DZIP3: variants seen among roughly 807,000 people sequenced by gnomAD.
DZIP3 encodes E3 ubiquitin-protein ligase DZIP3.
In DZIP3, 118 loss-of-function variants were observed where a neutral mutation model predicts 162.0. The observed-to-expected ratio is 0.73, with a 90% CI of 0.63 to 0.85. The LOEUF (loss-of-function observed/expected upper bound fraction) is 0.85, where lower values mean the gene tolerates loss of function less well. Ranked by LOEUF, DZIP3 falls within the 40% of genes least tolerant of loss-of-function variation. The probability of loss-of-function intolerance (pLI) is 0.00; values close to 1 mark genes in which losing one functional copy is unlikely to be tolerated. For synonymous variants in DZIP3, 438 were observed against 458.6 expected (o/e 0.96, Z 0.57); for missense variants, 1,331 against 1,407.0 (o/e 0.95, Z 0.86).
chr3:108,684,859 G>A (rs1348375637), intron 27 of DZIP3, among the ~76,000 whole-genome samples: 3 of 152,086 alleles, frequency 2.0e-5, no homozygotes, highest in African/African-American at 4.8e-5. Flanking sequence ...CAAATAGCCA[G>A]ATAAACTTTA....
intron 19 of DZIP3, among the ~76,000 whole-genome samples, chr3:108,660,750 G>T (rs1943383783): frequency 6.6e-6 from 1 of 151,394 alleles, no homozygotes; most frequent in African/African-American, 2.4e-5. Flanking sequence ...CTGACAAAGG[G>T]CTAATATCCA....
intron 13 of DZIP3, 32 bp from the exon 14 acceptor site, chr3:108,644,132 G>C: frequency 6.4e-7 from 1 of 1,550,490 alleles, no homozygotes; most frequent in South Asian, 1.3e-5. Context: ...CATTAATGTG[G>C]AATGTCTTGA....
intron 25 of DZIP3, among the ~76,000 whole-genome samples, chr3:108,676,865 C>T (rs1171686199): frequency 6.6e-6 from 1 of 152,084 alleles, no homozygotes; most frequent in Non-Finnish European, 1.5e-5. Context: ...CCAGTTCCTA[C>T]GCGTTCTTTA....
intron 4 of DZIP3, among the ~76,000 whole-genome samples, chr3:108,615,264 T>A (rs1940943340): frequency 6.6e-6 from 1 of 152,256 alleles, no homozygotes; most frequent in South Asian, 2.1e-4. Context: ...TCCCGTTGTT[T>A]TAGTTATTCT....
At chr3:108,603,469 T>C (rs1362373936) in intron 1 of DZIP3, among the ~76,000 whole-genome samples, 1 of 152,206 alleles carries the variant, frequency 6.6e-6, no homozygotes. Context: ...GAACAGAGAA[T>C]ACAAATTAAA....
chr3:108,637,644 T>G lies in DZIP3; in HGVS notation c.1064+96T>G, dbSNP rs914337926. The stretch of plus-strand genomic sequence containing the variant: ...CTGTGTTTCTGTCACCTAATAGAGC[T>G]GCATTAAATTTTAAGGTATGTGAAA... On this transcript the variant is annotated intron_variant, in intron 12 of 32. Coordinates refer to ENST00000361582, the MANE Select transcript of DZIP3 (RefSeq NM_014648.4). 54 of 1,102,698 alleles carry G rather than the reference T, an allele frequency of 4.9e-5. No homozygotes were observed. In the African/African-American group the frequency reaches 7.7e-4, roughly 16 times the overall value. The allele number at this position is 1,102,698 out of a possible 1,614,324, so 68.3% of individuals were successfully genotyped here.
chr3:108,693,536 GCTATAAGTGAAGAC>G lies in DZIP3; in HGVS notation c.*187_*200del, dbSNP rs1223413154. The stretch of plus-strand genomic sequence containing the variant: ...ATTGGAGTATTTACACCATAGAAAT[GCTATAAGTGAAGAC>G]CTACCTTTCCCTTAAGAGCTAGTTG... On this transcript the variant is annotated 3_prime_UTR_variant, in exon 33 of 33. Coordinates refer to ENST00000361582, the MANE Select transcript of DZIP3 (RefSeq NM_014648.4). The G allele has an allele frequency of 6.6e-6, 1 of 152,078 alleles. No individual in the cohort carries two copies. The highest frequency in any genetic ancestry group is 2.4e-5 in the African/African-American group (1 of 41,430). The allele number at this position is 152,078 out of a possible 1,614,324, so 9.4% of individuals were successfully genotyped here. A position where few individuals can be genotyped will look rare whatever the true frequency, so the allele number is the denominator to read the frequency against.
chr3:108,629,158 T>C lies in DZIP3; in HGVS notation c.678T>C (p.Asp226=). Residue 226 remains aspartate, a synonymous_variant, in exon 8 of 33, where the codon GAT becomes GAC. Transcript: ENST00000361582. ...ACATAGATCCTACAGAAGATGAAGA[T>C]TTACCTACAACTTTTAAAGTAAGAA... ...WFDIDPTEDE[D]LPTTFKDLLN... 1 of 1,582,338 alleles carries C rather than the reference T, an allele frequency of 6.3e-7. No homozygotes were observed. Among genetic ancestry groups the C allele is most frequent in the Non-Finnish European group, 8.6e-7 (1 of 1,168,112 alleles).
chr3:108,679,970 T>A (rs780756668), intron 26 of DZIP3, among the ~76,000 whole-genome samples: 1 of 152,058 alleles, frequency 6.6e-6, no homozygotes, highest in Non-Finnish European at 1.5e-5. Flanking sequence ...ATTAAAAAGA[T>A]CATGCAATGG....
intron 8 of DZIP3, among the ~76,000 whole-genome samples, chr3:108,629,889 T>G (rs1434181661): frequency 6.6e-6 from 1 of 151,904 alleles, no homozygotes; most frequent in Non-Finnish European, 1.5e-5. Context: ...AATAATGTAT[T>G]ATATAGCTTT....
chr3:108,690,894 C>G lies in DZIP3; in HGVS notation c.3624C>G (p.Ile1208Met). 1 of 1,614,068 alleles carries G rather than the reference C, an allele frequency of 6.2e-7. No individual in the cohort carries two copies. The highest frequency in any genetic ancestry group is 8.5e-7 in the Non-Finnish European group (1 of 1,179,940). Residue 1208 changes from isoleucine to methionine, a missense_variant, in exon 32 of 33, where the codon ATC (isoleucine) becomes ATG (methionine). Coordinates refer to ENST00000361582, the MANE Select transcript of DZIP3 (RefSeq NM_014648.4). ...PGHPSRQLPK[I>M] is the part of the protein sequence containing the mutation. ...ACCCCAGCCGGCAGTTGCCCAAGAT[C>G]TGATACAAGGTCGGGGTGTCTATGC...
chr3:108,668,151 G>T (rs748818608), intron 21 of DZIP3, among the ~76,000 whole-genome samples: 4 of 152,034 alleles, frequency 2.6e-5, no homozygotes, highest in Non-Finnish European at 5.9e-5. Context: ...GCAAATATTT[G>T]TTGATGACAG....
chr3:108,616,782 A>T, intron 5 of DZIP3, 125 bp downstream of exon 5: 1 of 643,934 alleles, frequency 1.6e-6, no homozygotes, highest in Non-Finnish European at 2.7e-6. Context: ...TTACCTCTAG[A>T]AAAGGGTATG....
intron 8 of DZIP3, among the ~76,000 whole-genome samples, chr3:108,630,761 AT>A (rs1020522263): frequency 1.3e-5 from 2 of 151,720 alleles, no homozygotes; most frequent in African/African-American, 4.8e-5. Flanking sequence ...TTTTTATTTT[AT>A]GCACAATAAT....
At position 108,693,752 on chromosome 3, in the gene DZIP3, C is replaced by A. The variant is rs150008656; in HGVS notation, c.*399C>A. The A allele has an allele frequency of 1.4e-4, 21 of 152,204 alleles. No individual in the cohort carries two copies. The highest frequency in any genetic ancestry group is 2.6e-4 in the Non-Finnish European group (18 of 67,978). The allele number at this position is 152,204 out of a possible 1,614,324, so 9.4% of individuals were successfully genotyped here. On this transcript the variant is annotated 3_prime_UTR_variant, in exon 33 of 33. Transcript: ENST00000361582. ...AATTGAATAATTGAGATCTTCTGTT[C>A]ATTTGTTCCTTGGACCTTAATCATT...
chr3:108,646,738 A>C (rs1576411282), intron 15 of DZIP3, 89 bp downstream of exon 15: 1 of 1,017,526 alleles, frequency 9.8e-7, no homozygotes, highest in East Asian at 2.7e-5. Context: ...ACTAAATGAT[A>C]AACTATAATT....
chr3:108,624,935 T>G (rs1437287893), intron 6 of DZIP3, among the ~76,000 whole-genome samples: 2 of 152,160 alleles, frequency 1.3e-5, no homozygotes, highest in Admixed American at 1.3e-4. Context: ...TCTTCATAGC[T>G]TTGATATTTC....
At chr3:108,648,888 A>G (rs1942745689) in intron 16 of DZIP3, 30 bp from the exon 17 acceptor site, 2 of 1,098,278 alleles carry the variant, frequency 1.8e-6, no homozygotes, top group Middle Eastern at 2.3e-4. Context: ...TTTGAATTAC[A>G]TATTTAATAA....
Position 108,646,645 on chromosome 3 carries a change from T to G in DZIP3, c.1788T>G (p.Ser596Arg), listed in dbSNP as rs201706367. Residue 596 changes from serine (S) to arginine (R), a missense_variant, in exon 15 of 33, where the codon AGT (serine) becomes AGG (arginine). Transcript: ENST00000361582. ...TTGCTCTACAGTCAATAACAGGCAG[T>G]CAGCGTAAGTATATTTAGAAATAAA... is the stretch of plus-strand genomic sequence containing the variant. ...QGIALQSITG[S>R]QRIEIEELQN... 9 of 1,559,070 alleles carry G rather than the reference T, an allele frequency of 5.8e-6. No individual in the cohort carries two copies. The East Asian group carries it at 1.2e-4, about 20-fold the overall frequency.
Sources: gnomAD v4.1 joint callset for allele counts (sites outside exome capture counted in the v4.1 genomes callset) on GRCh38, gnomAD v4.1.1 for gene constraint, MANE v1.5 for transcripts, NCBI Gene and HGNC (gene_info 2026-07-23, HGNC 2026-07-21) for gene names.